Variants in ASIC2 observed in about 807,000 individuals in gnomAD.
ASIC2 encodes acid sensing ion channel subunit 2, also known as acid-sensing ion channel 2.
ASIC2 carries 25 observed loss-of-function variants against 57.3 expected under a neutral mutation model. That is an observed-to-expected ratio of 0.44 (90% CI 0.32 to 0.61). The LOEUF (loss-of-function observed/expected upper bound fraction) is 0.61. Ranked by LOEUF, ASIC2 falls within the 20% of genes least tolerant of loss-of-function variation. The probability of loss-of-function intolerance (pLI) is 0.06; values close to 1 mark genes in which losing one functional copy is unlikely to be tolerated. For missense variants in ASIC2, 641 were observed against 738.1 expected (o/e 0.87, Z 1.52); for synonymous variants, 319 against 307.5 (o/e 1.04, Z -0.39).
intron 1 of ASIC2, among the ~76,000 whole-genome samples, chr17:34,144,446 A>C (rs1217753680): frequency 6.6e-6 from 1 of 152,162 alleles, no homozygotes; most frequent in East Asian, 1.9e-4. Flanking sequence ...GTCAATATAG[A>C]TTTCCAAAAA....
At chr17:33,062,584 A>G (rs983745192) in intron 3 of ASIC2, among the ~76,000 whole-genome samples, 9 of 152,138 alleles carry the variant, frequency 5.9e-5, no homozygotes, top group African/African-American at 2.2e-4. Context: ...ACTTCCAACT[A>G]TGTGGTCAAT....
At chr17:34,026,162 TA>T (rs1907370853) in intron 1 of ASIC2, among the ~76,000 whole-genome samples, 1 of 152,218 alleles carries the variant, frequency 6.6e-6, no homozygotes, top group Non-Finnish European at 1.5e-5. Context: ...AGTTTGCTGG[TA>T]TTTTTTGCAG....
In ASIC2 at chr17:33,553,558, A is replaced by G. The variant is rs368169584; in HGVS notation, c.556-441491T>C. On this transcript the variant is annotated intron_variant, in intron 1 of 9. Coordinates refer to the ASIC2 transcript ENST00000359872. ...TCTATGTTGCCTGGGCTGGCCTTGA[A>G]CTCCTGGGCTTGAGCAATCCTCCCA... Among the ~76,000 whole-genome samples the G allele has an allele frequency of 9.3e-5, 14 of 150,978 alleles. No homozygotes were observed. In the East Asian group the frequency reaches 9.8e-4, roughly 11 times the overall value.
intron 1 of ASIC2, among the ~76,000 whole-genome samples, chr17:33,753,649 C>T (rs1207456222): frequency 6.6e-6 from 1 of 152,168 alleles, no homozygotes; most frequent in Non-Finnish European, 1.5e-5. Flanking sequence ...GTAAGGAAAT[C>T]GGAAGTGAGA....
intron 1 of ASIC2, among the ~76,000 whole-genome samples, chr17:33,571,213 C>T (rs1236285909): frequency 6.6e-6 from 1 of 152,202 alleles, no homozygotes; most frequent in Non-Finnish European, 1.5e-5. Context: ...ACTAGATCAT[C>T]TCGACTCTCC....
intron 1 of ASIC2, among the ~76,000 whole-genome samples, chr17:33,869,299 T>C (rs1452981073): frequency 1.3e-5 from 2 of 152,120 alleles, no homozygotes; most frequent in African/African-American, 4.8e-5. Context: ...GGAACCCTCA[T>C]ACACTGCTGG....
At chr17:33,963,915 G>A (rs1329636340) in intron 1 of ASIC2, among the ~76,000 whole-genome samples, 1 of 152,198 alleles carries the variant, frequency 6.6e-6, no homozygotes, top group East Asian at 1.9e-4. Context: ...TTGGCATTAG[G>A]AAATCTGGGA....
At chr17:33,681,537 T>C (rs1316919644) in intron 1 of ASIC2, among the ~76,000 whole-genome samples, 1 of 152,210 alleles carries the variant, frequency 6.6e-6, no homozygotes, top group Non-Finnish European at 1.5e-5. Flanking sequence ...GCAGGGCCCT[T>C]CCTGGAGCAT....
chr17:33,436,762 G>A (rs950592367), intron 1 of ASIC2, among the ~76,000 whole-genome samples: 2 of 151,790 alleles, frequency 1.3e-5, no homozygotes, highest in South Asian at 2.1e-4. Flanking sequence ...TCTGTACGAG[G>A]GTGATAGGGA....
chr17:33,040,268 A>G (rs772716337), intron 3 of ASIC2, among the ~76,000 whole-genome samples: 6 of 152,208 alleles, frequency 3.9e-5, no homozygotes, highest in Non-Finnish European at 7.3e-5. Flanking sequence ...CCAATGACCT[A>G]TGGTTCCAAT....
At chr17:33,501,882 G>A (rs1476536497) in intron 1 of ASIC2, among the ~76,000 whole-genome samples, 1 of 152,226 alleles carries the variant, frequency 6.6e-6, no homozygotes, top group Non-Finnish European at 1.5e-5. Flanking sequence ...GGGGTAAGGG[G>A]CCAGGTAGGG....
At chr17:33,740,735 A>C (rs2142097652) in intron 1 of ASIC2, among the ~76,000 whole-genome samples, 1 of 152,238 alleles carries the variant, frequency 6.6e-6, no homozygotes, top group South Asian at 2.1e-4. Flanking sequence ...CATTCCAAGA[A>C]CACCTTTAAA....
chr17:33,681,870 G>T (rs754726111), intron 1 of ASIC2, among the ~76,000 whole-genome samples: 1 of 152,152 alleles, frequency 6.6e-6, no homozygotes, highest in Non-Finnish European at 1.5e-5. Flanking sequence ...ACACACTCAT[G>T]CTGACATCTC....
intron 1 of ASIC2, among the ~76,000 whole-genome samples, chr17:33,561,194 C>T (rs1461126767): frequency 1.3e-5 from 2 of 152,150 alleles, no homozygotes; most frequent in African/African-American, 4.8e-5. Context: ...CTCATGAAGG[C>T]CAACACTAGA....
chr17:33,021,934 G>A (rs890609403), intron 6 of ASIC2, among the ~76,000 whole-genome samples: 4 of 152,162 alleles, frequency 2.6e-5, no homozygotes, highest in South Asian at 2.1e-4. Flanking sequence ...AGTAAAAGTC[G>A]TTACTGCCTG....
Position 33,499,100 on chromosome 17 carries a change from G to C in ASIC2, c.556-387033C>G, listed in dbSNP as rs57231031. Among the ~76,000 whole-genome samples the C allele has an allele frequency of 5.9e-3, 893 of 152,254 alleles. 15 individuals are homozygous for C. The highest frequency in any genetic ancestry group is 0.021 in the African/African-American group (861 of 41,536). On this transcript the variant is annotated intron_variant, in intron 1 of 9. Coordinates refer to the ASIC2 transcript ENST00000359872. ...TGTGGTTTGCCTCCCCAGCATCCAT[G>C]TCCCCTTCTTCCAGCCACAGCTGGT...
intron 1 of ASIC2, among the ~76,000 whole-genome samples, chr17:33,374,658 T>C (rs1181061350): frequency 6.6e-6 from 1 of 152,156 alleles, no homozygotes. Context: ...ACCCAACAGG[T>C]AATTACAGTT....
chr17:33,717,718 A>T (rs1909265558), intron 1 of ASIC2, among the ~76,000 whole-genome samples: 1 of 152,294 alleles, frequency 6.6e-6, no homozygotes, highest in Non-Finnish European at 1.5e-5. Flanking sequence ...GCTGCCCAAC[A>T]GTCCTCTCTG....
At chr17:33,982,298 C>T (rs575735140) in intron 1 of ASIC2, among the ~76,000 whole-genome samples, 1 of 152,326 alleles carries the variant, frequency 6.6e-6, no homozygotes, top group South Asian at 2.1e-4. Context: ...GATCACCCTG[C>T]AATTAACTGG....
Sources: gnomAD v4.1 joint callset for allele counts (sites outside exome capture counted in the v4.1 genomes callset) on GRCh38, gnomAD v4.1.1 for gene constraint, MANE v1.5 for transcripts, NCBI Gene and HGNC (gene_info 2026-07-23, HGNC 2026-07-21) for gene names.